Variants in TRIM65 observed in about 807,000 individuals in gnomAD.
TRIM65 encodes the protein tripartite motif containing 65, also known as E3 ubiquitin-protein ligase TRIM65.
Under a neutral mutation model 36.1 loss-of-function variants are expected in TRIM65, and 46 were observed. The observed-to-expected ratio is 1.27, with a 90% CI of 1.01 to 1.63. The LOEUF (loss-of-function observed/expected upper bound fraction) is 1.63. Ranked by LOEUF, TRIM65 falls within the 40% of genes most tolerant of loss-of-function variation. The pLI, the probability that TRIM65 is intolerant of heterozygous loss-of-function variation, is 0.00. For synonymous variants in TRIM65, 346 were observed against 313.6 expected (o/e 1.10, Z -1.09); for missense variants, 708 against 696.6 (o/e 1.02, Z -0.18).
chr17:75,888,112 A>T (rs8081954), downstream of TRIM65, among the ~76,000 whole-genome samples: 72,989 of 151,182 alleles, frequency 0.48, 22,143 homozygotes, highest in African/African-American at 0.87. Context: ...GCCGAGATTG[A>T]GCCACTGCAC....
Position 75,890,649 on chromosome 17 carries a change from A to T in TRIM65, c.*130T>A, listed in dbSNP as rs2065251052. 1.2e-5 allele frequency: 9 copies of T among 769,524 alleles called. No homozygotes were observed. The highest frequency in any genetic ancestry group is 2.3e-5 in the South Asian group (1 of 43,220). 47.7% of individuals were successfully genotyped at this position (769,524 alleles called of 1,614,324 possible). On this transcript the variant is annotated 3_prime_UTR_variant, in exon 6 of 6. Coordinates refer to ENST00000269383, the MANE Select transcript of TRIM65 (RefSeq NM_173547.4). ...CTCTGCGTTTATGCTCACCTCCCCCAACCTCCCATCTCTTTCTGAGTTAAC... is the reference window on the plus strand; with the variant it reads ...CTCTGCGTTTATGCTCACCTCCCCCTACCTCCCATCTCTTTCTGAGTTAAC...
chr17:75,891,068 G>A lies in TRIM65; in HGVS notation c.1265C>T (p.Ser422Phe). The A allele has an allele frequency of 6.2e-7, 1 of 1,612,250 alleles. No homozygotes were observed. Among genetic ancestry groups the A allele is most frequent in the East Asian group, 2.2e-5 (1 of 44,880 alleles). ...GTCCTCCTGGACGCAGAGCCCCCAG[G>A]AGCAGGGTCCCCGGCCAATGTTGTC... Reference protein sequence around the residue: ...HTDNIGRGPCSWGLCVQEDSL... With the variant: ...HTDNIGRGPCFWGLCVQEDSL... Residue 422 changes from serine (S) to phenylalanine (F), a missense_variant, in exon 6 of 6, where the codon TCC becomes TTC. Physicochemically the swap from Ser to Phe is radical, Grantham distance 155. Transcript: ENST00000269383.
downstream of TRIM65, among the ~76,000 whole-genome samples, chr17:75,886,288 C>T (rs919636368): frequency 2.0e-5 from 3 of 151,938 alleles, no homozygotes; most frequent in Non-Finnish European, 4.4e-5. Flanking sequence ...TTTGGGAGGC[C>T]GAGGCGGGCG....
chr17:75,893,244 A>G (rs574285769), intron 1 of TRIM65, among the ~76,000 whole-genome samples: 2 of 152,244 alleles, frequency 1.3e-5, no homozygotes, highest in Admixed American at 1.3e-4. Context: ...GAGGACCCCA[A>G]ACACTAAAGC....
chr17:75,890,569 T>A lies in TRIM65; in HGVS notation c.*210A>T. On this transcript the variant is annotated 3_prime_UTR_variant, in exon 6 of 6. Transcript: ENST00000269383. ...CTGGGTTCTCTCTGGGGCAAGGGCA[T>A]CCCATTTATCCCCCTCCTAGACTGT... is the stretch of plus-strand genomic sequence containing the variant. 2.1e-6 allele frequency: 1 copy of A among 487,062 alleles called. No homozygotes were observed. The highest frequency in any genetic ancestry group is 3.5e-6 in the Non-Finnish European group (1 of 282,250). 30.2% of individuals were successfully genotyped at this position (487,062 alleles called of 1,614,324 possible). A position where few individuals can be genotyped will look rare whatever the true frequency, so the allele number is the denominator to read the frequency against.
intron 1 of TRIM65, among the ~76,000 whole-genome samples, chr17:75,893,708 C>A (rs989510161): frequency 6.6e-6 from 1 of 152,254 alleles, no homozygotes; most frequent in East Asian, 1.9e-4. Context: ...CTCCTCCGGG[C>A]CCCCAGCCTC....
intron 1 of TRIM65, 108 bp downstream of exon 1, chr17:75,896,416 C>T: frequency 8.2e-7 from 1 of 1,219,470 alleles, no homozygotes; most frequent in South Asian, 3.7e-5. Flanking sequence ...TGAGGCTCCC[C>T]GCCCCCGCCG....
Position 75,890,719 on chromosome 17 carries a change from G to C in TRIM65, c.*60C>G. 1.5e-6 allele frequency: 2 copies of C among 1,371,174 alleles called. No individual in the cohort carries two copies. Among genetic ancestry groups the C allele is most frequent in the Non-Finnish European group, 1.9e-6 (2 of 1,044,018 alleles). The allele number at this position is 1,371,174 out of a possible 1,614,324, so 84.9% of individuals were successfully genotyped here. The stretch of plus-strand genomic sequence containing the variant: ...CCTCCAGTCCCCAAGCTGAAGCTGG[G>C]CAGCTCTTGGGCACATAGGCATGGT... On this transcript the variant is annotated 3_prime_UTR_variant, in exon 6 of 6. Transcript: ENST00000269383.
chr17:75,894,258 G>A (rs949431187), intron 1 of TRIM65, among the ~76,000 whole-genome samples: 2 of 151,886 alleles, frequency 1.3e-5, no homozygotes, highest in Admixed American at 6.6e-5. Flanking sequence ...CCCATCCAGC[G>A]TCCCTGCGCC....
chr17:75,891,207 CA>C lies in TRIM65; in HGVS notation c.1125del (p.Cys375TrpfsTer21). ...PGSFELWQVQ[C>X]AQSFQAGHHY... ...TGGTGCCCGGCCTGGAAGCTCTGGG[CA>C]CATTGCACCTGCCAGAGCTCAAAGC... is the stretch of plus-strand genomic sequence containing the variant. On this transcript the variant is annotated frameshift_variant, in exon 6 of 6. Coordinates refer to ENST00000269383, the MANE Select transcript of TRIM65 (RefSeq NM_173547.4). LOFTEE classifies it low-confidence loss of function (END_TRUNC). The C allele has an allele frequency of 6.2e-7, 1 of 1,612,382 alleles. No homozygotes were observed. The highest frequency in any genetic ancestry group is 1.1e-5 in the South Asian group (1 of 91,078).
At chr17:75,883,795 G>A (rs1237100800) in intron 4 of TRIM65, among the ~76,000 whole-genome samples, 5 of 152,038 alleles carry the variant, frequency 3.3e-5, no homozygotes, top group African/African-American at 9.7e-5. Context: ...CCAAAGTGCT[G>A]GGATTACAGG....
chr17:75,886,471 G>A (rs2065207739), downstream of TRIM65, among the ~76,000 whole-genome samples: 1 of 145,528 alleles, frequency 6.9e-6, no homozygotes, highest in Admixed American at 7.0e-5. Flanking sequence ...GCAGTGAGCC[G>A]AGATTGTGCC....
At position 75,892,415 on chromosome 17, in the gene TRIM65, AGTGCTGTCGT is replaced by A. The variant is rs779961229; in HGVS notation, c.586_595del (p.Thr196Ter). ...CGTCTTGGCCACCTCGATGCTCCTC[AGTGCTGTCGT>A]GTGCTGTATTTCCAGGGCCTGTAGC... On this transcript the variant is annotated frameshift_variant, in exon 3 of 6. Coordinates refer to ENST00000269383, the MANE Select transcript of TRIM65 (RefSeq NM_173547.4). LOFTEE classifies it high-confidence loss of function. 100 of 1,613,962 alleles carry A rather than the reference AGTGCTGTCGT, an allele frequency of 6.2e-5. No individual in the cohort carries two copies. The highest frequency in any genetic ancestry group is 8.3e-5 in the Non-Finnish European group (98 of 1,180,002).
intron 4 of TRIM65, among the ~76,000 whole-genome samples, chr17:75,883,947 G>A (rs1369695049): frequency 6.6e-6 from 1 of 152,058 alleles, no homozygotes; most frequent in Non-Finnish European, 1.5e-5. Context: ...AGACCAGCCT[G>A]GCCAACATGG....
chr17:75,881,392 C>G (rs2065168932), intron 4 of TRIM65, among the ~76,000 whole-genome samples: 1 of 150,408 alleles, frequency 6.6e-6, no homozygotes, highest in South Asian at 2.1e-4. Context: ...GTGGCTTATA[C>G]ACAACAGACA....
Position 75,892,503 on chromosome 17 carries a change from G to A in TRIM65, c.511-3C>T. ...GAGGCCAAGATGCAGGCCGAGTTCT[G>A]GGCGGGAACAGGAGGGGCTTCAGGG... On this transcript the variant is annotated splice_polypyrimidine_tract_variant and splice_region_variant and intron_variant, in intron 2 of 5. Coordinates refer to ENST00000269383, the MANE Select transcript of TRIM65 (RefSeq NM_173547.4). 6.2e-7 allele frequency: 1 copy of A among 1,612,836 alleles called. No individual in the cohort carries two copies. The highest frequency in any genetic ancestry group is 1.3e-5 in the African/African-American group (1 of 75,030).
rs138621561 is a variant in TRIM65, at chr17:75,894,544, C to G, written c.415-1694G>C. Among the ~76,000 whole-genome samples the G allele has an allele frequency of 6.2e-3, 951 of 152,318 alleles. 4 individuals carry two copies. The highest frequency in any genetic ancestry group is 0.021 in the African/African-American group (878 of 41,568). ...TCCAGCTTGGAACCTTCTCTTCCTC[C>G]TAGCGCTAATGATTCCCAGCTCTCG... On this transcript the variant is annotated intron_variant, in intron 1 of 5. Coordinates refer to ENST00000269383, the MANE Select transcript of TRIM65 (RefSeq NM_173547.4).
intron 1 of TRIM65, among the ~76,000 whole-genome samples, chr17:75,894,258 G>T (rs949431187): frequency 3.0e-4 from 46 of 151,886 alleles, no homozygotes; most frequent in Admixed American, 4.6e-4. Flanking sequence ...CCCATCCAGC[G>T]TCCCTGCGCC....
Position 75,889,244 on chromosome 17 carries a change from CG to C in TRIM65, c.*1534del, listed in dbSNP as rs2065235798. ...CTAATTTTTGTATTTTTAGTAGAGA[CG>C]GGGTTTTGCCTTGTTGGCCAGGCTG... On this transcript the variant is annotated 3_prime_UTR_variant, in exon 6 of 6. Transcript: ENST00000269383. 1 of 152,008 alleles carries C rather than the reference CG, an allele frequency of 6.6e-6. No homozygotes were observed. Among genetic ancestry groups the C allele is most frequent in the Admixed American group, 6.6e-5 (1 of 15,240 alleles). The allele number at this position is 152,008 out of a possible 1,614,324, so 9.4% of individuals were successfully genotyped here. A position where few individuals can be genotyped will look rare whatever the true frequency, so the allele number is the denominator to read the frequency against.
Sources: allele counts gnomAD v4.1 joint callset (sites outside exome capture counted in the v4.1 genomes callset), GRCh38; gene constraint gnomAD v4.1.1; transcripts MANE v1.5; gene names NCBI Gene and HGNC (gene_info 2026-07-23, HGNC 2026-07-21).